Variants in CCDC138 observed in about 807,000 individuals in gnomAD.
The protein encoded by CCDC138 is coiled-coil domain-containing protein 138.
A neutral mutation model predicts 82.3 loss-of-function variants in CCDC138; 66 were observed. The ratio of observed to expected loss-of-function variants is 0.80; its 90% CI spans 0.66 to 0.98. The LOEUF (loss-of-function observed/expected upper bound fraction) is 0.98. Among genes scored for constraint, CCDC138 ranks in the 50% least tolerant of loss-of-function variants. The pLI is 0.00. For missense variants in CCDC138, 816 were observed against 758.9 expected, an observed-to-expected ratio of 1.08 and a Z score of -0.88; for synonymous variants, 297 against 265.4, an observed-to-expected ratio of 1.12 and a Z score of -1.16.
At chr2:108,883,753 G>T (rs2105352844) in intron 2 of CCDC138, 1 of 152,344 alleles carries the variant, frequency 6.6e-6, no homozygotes, top group Admixed American at 6.5e-5. Context: ...CATCCCCCAG[G>T]GCACAGTGCT....
At chr2:108,822,253 A>G (rs1685827961) in intron 10 of CCDC138, among the ~76,000 whole-genome samples, 1 of 152,240 alleles carries the variant, frequency 6.6e-6, no homozygotes, top group Non-Finnish European at 1.5e-5. Flanking sequence ...TTCACCAAGA[A>G]GATATAAATG....
chr2:108,853,976 A>AATATATAATAAATTTATATT (rs1692089257), intron 12 of CCDC138, among the ~76,000 whole-genome samples: 2 of 90,816 alleles, frequency 2.2e-5, no homozygotes, highest in African/African-American at 4.3e-5. Flanking sequence ...AAATATATAT[A>AATATATAATAAATTTATATT]ATATATAATA....
intron 12 of CCDC138, among the ~76,000 whole-genome samples, chr2:108,855,307 A>G (rs1348257918): frequency 1.3e-5 from 2 of 152,200 alleles, no homozygotes; most frequent in African/African-American, 2.4e-5. Flanking sequence ...AAAGAATACC[A>G]TATAGTAGTC....
chr2:108,821,079 CG>C (rs1224186206), intron 10 of CCDC138, among the ~76,000 whole-genome samples: 1 of 152,160 alleles, frequency 6.6e-6, no homozygotes, highest in Admixed American at 6.5e-5. Context: ...AATTTGTGGC[CG>C]GGTGCGGTGG....
chr2:108,789,787 T>C (rs1214732641), intron 3 of CCDC138, among the ~76,000 whole-genome samples: 1 of 152,200 alleles, frequency 6.6e-6, no homozygotes, highest in Non-Finnish European at 1.5e-5. Flanking sequence ...GTTGCCGTTC[T>C]GTAAGGAAGA....
chr2:108,855,778 CTTA>C (rs1692496421), intron 12 of CCDC138, among the ~76,000 whole-genome samples: 1 of 152,048 alleles, frequency 6.6e-6, no homozygotes, highest in Non-Finnish European at 1.5e-5. Flanking sequence ...TTTTAAATTA[CTTA>C]TTATGTAAGC....
intron 6 of CCDC138, 68 bp from the exon 7 acceptor site, chr2:108,804,821 G>C: frequency 7.6e-7 from 1 of 1,321,208 alleles, no homozygotes; most frequent in South Asian, 2.6e-5. Flanking sequence ...ATTAATTCAC[G>C]TTCCATAGTA....
downstream of CCDC138, among the ~76,000 whole-genome samples, chr2:108,881,385 G>A (rs1279844328): frequency 1.3e-5 from 2 of 152,208 alleles, no homozygotes; most frequent in South Asian, 2.1e-4. Flanking sequence ...TTGGCTTAAA[G>A]GAATATTGTG....
intron 10 of CCDC138, among the ~76,000 whole-genome samples, chr2:108,823,513 G>C (rs1160236430): frequency 6.6e-6 from 1 of 152,148 alleles, no homozygotes; most frequent in African/African-American, 2.4e-5. Context: ...ATAACCCTAG[G>C]TGATATAGCC....
intron 7 of CCDC138, among the ~76,000 whole-genome samples, chr2:108,805,521 C>T (rs1400001609): frequency 1.3e-5 from 2 of 151,468 alleles, no homozygotes; most frequent in East Asian, 1.9e-4. Context: ...GTCAGGAGTT[C>T]GAGACCATCC....
chr2:108,832,344 CTTT>C (rs1179620383), intron 10 of CCDC138, among the ~76,000 whole-genome samples: 2 of 122,208 alleles, frequency 1.6e-5, no homozygotes, highest in Admixed American at 8.4e-5. Flanking sequence ...GTATTTCTTT[CTTT>C]TTTTTTTTTT....
intron 12 of CCDC138, among the ~76,000 whole-genome samples, chr2:108,855,946 GT>G (rs907057685): frequency 6.6e-6 from 1 of 151,810 alleles, no homozygotes; most frequent in Non-Finnish European, 1.5e-5. Context: ...AGCATGAACG[GT>G]TTTTTTTCCC....
In CCDC138 at chr2:108,786,856, G is replaced by A. The variant is rs1678861824; in HGVS notation, c.34G>A (p.Asp12Asn). The A allele has an allele frequency of 6.3e-7, 1 of 1,592,178 alleles. No homozygotes were observed. Among genetic ancestry groups the A allele is most frequent in the Non-Finnish European group, 8.5e-7 (1 of 1,170,890 alleles). Residue 12 changes from aspartate to asparagine, a missense_variant, in exon 1 of 15, where the codon GAT becomes AAT. By Grantham distance (23) the Asp-to-Asn change is conservative. Transcript: ENST00000295124. Reference protein sequence around the residue: ...EPRVVKPPGQDLVVESLKSRY... With the variant: ...EPRVVKPPGQNLVVESLKSRY... ...GAGGGTCGTCAAGCCACCGGGGCAG[G>A]ATTTAGTAGTGGAGAGTCTCAAAAG...
chr2:108,795,150 A>ATTTTTTTTTTTTTTTTTTTTT (rs11458525), intron 5 of CCDC138, among the ~76,000 whole-genome samples: 1 of 85,012 alleles, frequency 1.2e-5, no homozygotes, highest in Non-Finnish European at 2.1e-5. Context: ...TCTAAAGTGT[A>ATTTTTTTTTTTTTTTTTTTTT]TTTTTTTTTT....
intron 12 of CCDC138, among the ~76,000 whole-genome samples, chr2:108,850,485 CCT>C (rs1691278958): frequency 6.6e-6 from 1 of 151,798 alleles, no homozygotes; most frequent in Non-Finnish European, 1.5e-5. Flanking sequence ...AGAGTTTCAC[CCT>C]GTCGCCCAGG....
intron 13 of CCDC138, among the ~76,000 whole-genome samples, chr2:108,861,284 T>C (rs1693561282): frequency 6.6e-6 from 1 of 151,980 alleles, no homozygotes; most frequent in Non-Finnish European, 1.5e-5. Flanking sequence ...AAACACTTTT[T>C]CATTTCGTCG....
chr2:108,788,701 CAG>C lies in CCDC138; in HGVS notation c.152-148_152-147del, dbSNP rs1271313630. 9 of 1,059,546 alleles carry C rather than the reference CAG, an allele frequency of 8.5e-6. No homozygotes were observed. In the East Asian group the frequency reaches 1.4e-4, roughly 17 times the overall value. 65.6% of individuals were successfully genotyped at this position (1,059,546 alleles called of 1,614,324 possible). On this transcript the variant is annotated intron_variant, in intron 2 of 14. Coordinates refer to ENST00000295124, the MANE Select transcript of CCDC138 (RefSeq NM_144978.3). ...CGCCACTGCACTCCAGCCTGGGTGACAGAGCGAGACTCCGTCTCAAAGAAAAA... is the reference window on the plus strand; with the variant it reads ...CGCCACTGCACTCCAGCCTGGGTGACAGCGAGACTCCGTCTCAAAGAAAAA...
chr2:108,846,766 G>T lies in CCDC138; in HGVS notation c.1352G>T (p.Arg451Ile). 2 of 1,612,594 alleles carry T rather than the reference G, an allele frequency of 1.2e-6. No individual in the cohort carries two copies. The change falls in exon 12 of 15, where the codon AGA (arginine) becomes ATA (isoleucine). Residue 451 changes from arginine (R) to isoleucine (I), a missense_variant. Physicochemically the swap from Arg to Ile is moderately conservative, Grantham distance 97. Coordinates refer to ENST00000295124, the MANE Select transcript of CCDC138 (RefSeq NM_144978.3). Reference sequence around the variant, plus strand: ...TCGACTATGACATCAACATTGAGGAGATTGGGTGAAGACATTTTTAAAGGA... The same window carrying T: ...TCGACTATGACATCAACATTGAGGATATTGGGTGAAGACATTTTTAAAGGA... ...QHSTMTSTLR[R>I]LGEDIFKGVV... is the part of the protein sequence containing the mutation.
chr2:108,842,057 TCTCA>T (rs943285947), intron 11 of CCDC138, among the ~76,000 whole-genome samples: 2 of 152,080 alleles, frequency 1.3e-5, no homozygotes, highest in Non-Finnish European at 2.9e-5. Flanking sequence ...TGAGACAGAG[TCTCA>T]CTCTGTTGCT....
Sources: gnomAD v4.1 joint callset for allele counts (sites outside exome capture counted in the v4.1 genomes callset) on GRCh38, gnomAD v4.1.1 for gene constraint, MANE v1.5 for transcripts, NCBI Gene and HGNC (gene_info 2026-07-23, HGNC 2026-07-21) for gene names.